Variants in CTNNA3 observed in about 807,000 individuals in gnomAD.
CTNNA3 encodes catenin alpha 3.
Under a neutral mutation model 95.7 loss-of-function variants are expected in CTNNA3, and 76 were observed. That is an observed-to-expected ratio of 0.79 (90% CI 0.66 to 0.96). The LOEUF is 0.96. Among genes scored for constraint, CTNNA3 ranks in the 40% least tolerant of loss-of-function variants. The probability of loss-of-function intolerance (pLI) is 0.00; values close to 1 mark genes in which losing one functional copy is unlikely to be tolerated. For synonymous variants in CTNNA3, 431 were observed against 374.4 expected, an observed-to-expected ratio of 1.15 and a Z score of -1.74; for missense variants, 1,191 against 1,089.8, an observed-to-expected ratio of 1.09 and a Z score of -1.31.
At chr10:67,185,510 G>A (rs974221290) in intron 6 of CTNNA3, among the ~76,000 whole-genome samples, 1 of 151,950 alleles carries the variant, frequency 6.6e-6, no homozygotes, top group African/African-American at 2.4e-5. Flanking sequence ...AAACATGAAA[G>A]GAAATTAACT....
At chr10:66,000,260 A>T (rs12783139) in intron 15 of CTNNA3, among the ~76,000 whole-genome samples, 31,936 of 151,878 alleles carry the variant, frequency 0.21, 3,831 homozygotes, top group Middle Eastern at 0.34. Context: ...CTCATCCTTG[A>T]CTCTCTTTCC....
intron 17 of CTNNA3, among the ~76,000 whole-genome samples, chr10:65,950,850 T>A (rs934151162): frequency 6.6e-6 from 1 of 152,228 alleles, no homozygotes; most frequent in African/African-American, 2.4e-5. Flanking sequence ...TACTTTTTTT[T>A]ATCTCCCCCC....
At chr10:67,435,212 C>A (rs748110678) in intron 5 of CTNNA3, among the ~76,000 whole-genome samples, 17 of 151,916 alleles carry the variant, frequency 1.1e-4, no homozygotes, top group Non-Finnish European at 2.2e-4. Flanking sequence ...AATTACTGCT[C>A]CTTTCTGGCA....
chr10:66,689,501 G>A (rs1847435036), intron 9 of CTNNA3, among the ~76,000 whole-genome samples: 1 of 152,072 alleles, frequency 6.6e-6, no homozygotes, highest in African/African-American at 2.4e-5. Context: ...CCAATTATTT[G>A]TTAAGAGTCA....
Position 67,217,590 on chromosome 10 carries a change from C to A in CTNNA3, c.843+2017G>T, listed in dbSNP as rs573179734. 9.8e-5 allele frequency among the ~76,000 whole-genome samples: 15 copies of A among 152,286 alleles called. No homozygotes were observed. In the South Asian group the frequency reaches 2.5e-3, roughly 25 times the overall value. ...TCCCACTGAAGTTACACACATAACA[C>A]GCACACTTTCTCCTCCTCTCCAACC... On this transcript the variant is annotated intron_variant, in intron 6 of 17. Coordinates refer to ENST00000433211, the MANE Select transcript of CTNNA3 (RefSeq NM_013266.4).
At chr10:66,948,821 C>T (rs971678492) in intron 7 of CTNNA3, among the ~76,000 whole-genome samples, 1 of 152,094 alleles carries the variant, frequency 6.6e-6, no homozygotes, top group African/African-American at 2.4e-5. Flanking sequence ...ATCCATAAAT[C>T]ATAACATAAA....
intron 9 of CTNNA3, among the ~76,000 whole-genome samples, chr10:66,627,659 A>G (rs1844986065): frequency 6.6e-6 from 1 of 152,072 alleles, no homozygotes; most frequent in Non-Finnish European, 1.5e-5. Context: ...GCAACTTCTC[A>G]TTAAATGCCT....
At chr10:67,725,879 G>C (rs1204052251) in intron 1 of CTNNA3, among the ~76,000 whole-genome samples, 3 of 143,348 alleles carry the variant, frequency 2.1e-5, no homozygotes, top group East Asian at 4.0e-4. Flanking sequence ...ACAGTGACTA[G>C]AATGTCATAT....
chr10:67,479,226 T>C (rs1047965403), intron 5 of CTNNA3, among the ~76,000 whole-genome samples: 27 of 152,142 alleles, frequency 1.8e-4, no homozygotes, highest in African/African-American at 6.3e-4. Context: ...GGACTTGAGA[T>C]TGACACTTGA....
chr10:67,395,829 C>G (rs897660352), intron 5 of CTNNA3, among the ~76,000 whole-genome samples: 1 of 152,138 alleles, frequency 6.6e-6, no homozygotes, highest in Non-Finnish European at 1.5e-5. Flanking sequence ...AATTATTTCC[C>G]TACTTTACAA....
chr10:65,933,055 C>T (rs533634678), intron 17 of CTNNA3, among the ~76,000 whole-genome samples: 4 of 152,134 alleles, frequency 2.6e-5, no homozygotes, highest in Non-Finnish European at 4.4e-5. Context: ...TGTATGTATG[C>T]GCTTTCCACT....
chr10:66,007,587 G>A (rs2078912918), intron 15 of CTNNA3, among the ~76,000 whole-genome samples: 1 of 152,014 alleles, frequency 6.6e-6, no homozygotes, highest in South Asian at 2.1e-4. Flanking sequence ...TGTGCCTCAG[G>A]AAAAAATAGA....
chr10:66,710,710 A>C (rs76385493), intron 9 of CTNNA3, among the ~76,000 whole-genome samples: 2,853 of 152,058 alleles, frequency 0.019, 94 homozygotes, highest in African/African-American at 0.065. Flanking sequence ...CTCTGTGATA[A>C]TATATATTCT....
At chr10:66,527,679 T>A (rs1589379130) in intron 10 of CTNNA3, among the ~76,000 whole-genome samples, 2 of 152,296 alleles carry the variant, frequency 1.3e-5, no homozygotes, top group African/African-American at 4.8e-5. Flanking sequence ...TTCCTAGGCA[T>A]TTCATTTCGT....
intron 5 of CTNNA3, among the ~76,000 whole-genome samples, chr10:67,323,724 TA>T (rs1841421964): frequency 6.6e-6 from 1 of 152,180 alleles, no homozygotes. Context: ...ATAAGAATTT[TA>T]AAATAGTTCT....
chr10:66,493,163 C>T (rs1839981883), intron 11 of CTNNA3, among the ~76,000 whole-genome samples: 1 of 152,084 alleles, frequency 6.6e-6, no homozygotes, highest in South Asian at 2.1e-4. Flanking sequence ...TCATCTGGAA[C>T]AATTAAAAGA....
intron 16 of CTNNA3, among the ~76,000 whole-genome samples, chr10:65,968,017 T>C (rs1031233770): frequency 6.6e-6 from 1 of 152,144 alleles, no homozygotes; most frequent in African/African-American, 2.4e-5. Context: ...TCAAAGGATG[T>C]GGAAAAATGT....
At chr10:66,016,209 T>C (rs2079093055) in intron 15 of CTNNA3, among the ~76,000 whole-genome samples, 1 of 152,202 alleles carries the variant, frequency 6.6e-6, no homozygotes, top group African/African-American at 2.4e-5. Context: ...GCTCATTTAT[T>C]GAGACACACC....
chr10:67,183,848 A>G (rs1444067684), intron 6 of CTNNA3, among the ~76,000 whole-genome samples: 1 of 152,178 alleles, frequency 6.6e-6, no homozygotes, highest in Non-Finnish European at 1.5e-5. Context: ...CCAGCTATTT[A>G]GTCTACCTCT....
Sources: gnomAD v4.1 joint callset for allele counts (sites outside exome capture counted in the v4.1 genomes callset) on GRCh38, gnomAD v4.1.1 for gene constraint, MANE v1.5 for transcripts, NCBI Gene and HGNC (gene_info 2026-07-23, HGNC 2026-07-21) for gene names.